Variants in DNAJA4 observed in about 807,000 individuals in gnomAD.
The protein encoded by DNAJA4 is DnaJ heat shock protein family (Hsp40) member A4, also known as dnaJ homolog subfamily A member 4.
Under a neutral mutation model 39.7 loss-of-function variants are expected in DNAJA4, and 32 were observed. That is an observed-to-expected ratio of 0.81 (90% confidence interval 0.61 to 1.08). The LOEUF is 1.08. DNAJA4 is among the 50% of genes least tolerant of loss of function. The probability of loss-of-function intolerance (pLI) is 0.00; values close to 1 mark genes in which losing one functional copy is unlikely to be tolerated. For missense variants in DNAJA4, 439 were observed against 505.1 expected, an observed-to-expected ratio of 0.87 and a Z score of 1.25; for synonymous variants, 184 against 182.4, an observed-to-expected ratio of 1.01 and a Z score of -0.07.
intron 1 of DNAJA4, among the ~76,000 whole-genome samples, chr15:78,269,676 C>G (rs1002195940): frequency 6.6e-6 from 1 of 152,146 alleles, no homozygotes; most frequent in African/African-American, 2.4e-5. Flanking sequence ...CACATTTCTC[C>G]CATTGTTCCA....
intron 2 of DNAJA4, among the ~76,000 whole-genome samples, chr15:78,271,484 CAG>C (rs1008598129): frequency 6.6e-6 from 1 of 152,154 alleles, no homozygotes; most frequent in Admixed American, 6.5e-5. Context: ...CCAGCCTGCT[CAG>C]GGGATTTTCT....
intron 1 of DNAJA4, among the ~76,000 whole-genome samples, chr15:78,269,043 G>T (rs1320686342): frequency 6.6e-6 from 1 of 152,216 alleles, no homozygotes; most frequent in African/African-American, 2.4e-5. Context: ...CTGAGGCCCA[G>T]ACTGCAGAGT....
upstream of DNAJA4, chr15:78,264,333 A>G: frequency 1.4e-6 from 2 of 1,426,076 alleles, no homozygotes; most frequent in Non-Finnish European, 9.2e-7. Flanking sequence ...GGCGGCAGTC[A>G]GAGCTGGAGC....
At position 78,280,349 on chromosome 15, in the gene DNAJA4, G is replaced by A. The variant is rs778684713; in HGVS notation, c.1083G>A (p.Gln361=). The change falls in exon 7 of 7, where the codon CAG becomes CAA. Residue 361 remains glutamine, a synonymous_variant. Transcript: ENST00000394852. ...TGAGGATTACAGATGACATGGATCA[G>A]GTGGAGCTGAAGGAGTTTTGTCCCA... ...QKVRITDDMD[Q]VELKEFCPNE... 1 of 1,614,234 alleles carries A rather than the reference G, an allele frequency of 6.2e-7. No homozygotes were observed. The highest frequency in any genetic ancestry group is 2.2e-5 in the East Asian group (1 of 44,876).
At position 78,274,256 on chromosome 15, in the gene DNAJA4, C is replaced by T. The variant is rs746263750; in HGVS notation, c.478C>T (p.Gln160Ter). Residue 160 changes from glutamine to a stop codon, truncating the protein, a stop_gained, in exon 4 of 7, where the codon CAG (glutamine) becomes TAG (stop). Coordinates refer to ENST00000394852, the MANE Select transcript of DNAJA4 (RefSeq NM_001130182.2). LOFTEE classifies it high-confidence loss of function. ...KCPLCKGRGM[Q>*]IHIQQIGPGM... is the part of the protein sequence containing the mutation. ...CCCGCTGTGCAAGGGGCGGGGGATG[C>T]AGATCCACATCCAGCAGATCGGGCC... 6.2e-7 allele frequency: 1 copy of T among 1,614,174 alleles called. No homozygotes were observed. The highest frequency in any genetic ancestry group is 2.2e-5 in the East Asian group (1 of 44,876).
At chr15:78,268,944 G>T (rs1024549008) in intron 1 of DNAJA4, among the ~76,000 whole-genome samples, 14 of 152,322 alleles carry the variant, frequency 9.2e-5, no homozygotes, top group Non-Finnish European at 2.1e-4. Flanking sequence ...TGTTAAAGCT[G>T]GATCACCAGG....
At chr15:78,265,977 A>C (rs2049110964) in intron 1 of DNAJA4, 6 of 585,306 alleles carry the variant, frequency 1.0e-5, no homozygotes, top group Non-Finnish European at 1.8e-5. Flanking sequence ...CAGTGATGGA[A>C]TATTTATATT....
At chr15:78,266,632 C>T (rs13380341) in intron 1 of DNAJA4, among the ~76,000 whole-genome samples, 21 of 152,310 alleles carry the variant, frequency 1.4e-4, no homozygotes, top group African/African-American at 5.1e-4. Context: ...AAACATCTTC[C>T]AGGAGGCTGC....
chr15:78,275,887 C>T (rs201235137), intron 5 of DNAJA4, among the ~76,000 whole-genome samples, 159 bp downstream of exon 5: 1 of 152,106 alleles, frequency 6.6e-6, no homozygotes, highest in Non-Finnish European at 1.5e-5. Flanking sequence ...GATCAAGCCA[C>T]GTGTTTAGGG....
intron 1 of DNAJA4, among the ~76,000 whole-genome samples, chr15:78,269,438 GAA>G (rs2049233504): frequency 6.6e-6 from 1 of 152,138 alleles, no homozygotes; most frequent in Non-Finnish European, 1.5e-5. Flanking sequence ...GTGATACAAT[GAA>G]CACCTATGTA....
At position 78,279,814 on chromosome 15, in the gene DNAJA4, GAC is replaced by G. The variant is rs1035464281; in HGVS notation, c.878-226_878-225del. 5 of 583,932 alleles carry G rather than the reference GAC, an allele frequency of 8.6e-6. No homozygotes were observed. The highest frequency in any genetic ancestry group is 7.5e-5 in the African/African-American group (4 of 53,612). The allele number at this position is 583,932 out of a possible 1,614,324, so 36.2% of individuals were successfully genotyped here. ...GGCAGCTGCACCATGCTGCCCTCTT[GAC>G]ACACTGCTGGAGCCCAGAGCACAGG... On this transcript the variant is annotated intron_variant, in intron 5 of 6. Coordinates refer to ENST00000394852, the MANE Select transcript of DNAJA4 (RefSeq NM_001130182.2). The surrounding 1 kb of genome is among the most constrained non-coding windows in gnomAD (Gnocchi z 4.5).
intron 1 of DNAJA4, among the ~76,000 whole-genome samples, chr15:78,267,173 AGTGTGTGAGT>A (rs1283315000): frequency 2.2e-5 from 2 of 92,332 alleles, no homozygotes; most frequent in Non-Finnish European, 4.7e-5. Flanking sequence ...TGAGTGTGTG[AGTGTGTGAGT>A]GTGTGTGTGA....
At chr15:78,277,566 C>T (rs1476976023) in intron 5 of DNAJA4, among the ~76,000 whole-genome samples, 1 of 152,218 alleles carries the variant, frequency 6.6e-6, no homozygotes, top group Non-Finnish European at 1.5e-5. Flanking sequence ...GTTGTGAGCT[C>T]AACACCCTGG....
In DNAJA4 at chr15:78,279,948, G is replaced by A. The variant is rs897479837; in HGVS notation, c.878-97G>A. The stretch of plus-strand genomic sequence containing the variant: ...CCACGTTTCCTTTGCCCACTGCCAC[G>A]GGGCACTAGGGCCTGCCGCAGGCTC... On this transcript the variant is annotated intron_variant, in intron 5 of 6. Transcript: ENST00000394852. The surrounding 1 kb of genome is among the most constrained non-coding windows in gnomAD (Gnocchi z 4.5). 43 of 1,155,996 alleles carry A rather than the reference G, an allele frequency of 3.7e-5. No individual in the cohort carries two copies. Among genetic ancestry groups the A allele is most frequent in the African/African-American group, 3.5e-4 (23 of 64,996 alleles). 71.6% of individuals were successfully genotyped at this position (1,155,996 alleles called of 1,614,324 possible). A position where few individuals can be genotyped will look rare whatever the true frequency, so the allele number is the denominator to read the frequency against.
intron 5 of DNAJA4, among the ~76,000 whole-genome samples, chr15:78,275,966 A>C: frequency 6.6e-6 from 1 of 152,180 alleles, no homozygotes; most frequent in Non-Finnish European, 1.5e-5. Context: ...TTTAAGGTCA[A>C]ATTCTGTTAC....
intron 1 of DNAJA4, among the ~76,000 whole-genome samples, chr15:78,267,388 T>C (rs1458286685): frequency 6.6e-6 from 1 of 152,228 alleles, no homozygotes; most frequent in Non-Finnish European, 1.5e-5. Flanking sequence ...TTTTGCCCTG[T>C]TGTCCCCTGT....
chr15:78,272,115 TC>T (rs1951839209), intron 2 of DNAJA4, among the ~76,000 whole-genome samples: 1 of 152,124 alleles, frequency 6.6e-6, no homozygotes, highest in African/African-American at 2.4e-5. Context: ...GGTGGGTGGA[TC>T]ACGAGGTCAG....
chr15:78,264,164 G>C, upstream of DNAJA4: 2 of 499,252 alleles, frequency 4.0e-6, no homozygotes, highest in Admixed American at 4.4e-5. Flanking sequence ...CTTCGGCGCA[G>C]GGCTCCGGCC....
chr15:78,275,452 G>A (rs2049426381), intron 4 of DNAJA4, 46 bp from the exon 5 acceptor site: 1 of 1,489,482 alleles, frequency 6.7e-7, no homozygotes, highest in Admixed American at 1.7e-5. Flanking sequence ...AAGGAAGCAT[G>A]GTTTGTATGA....
Sources: allele counts gnomAD v4.1 joint callset (sites outside exome capture counted in the v4.1 genomes callset), GRCh38; gene constraint gnomAD v4.1.1; non-coding constraint Gnocchi (gnomAD v3.1); transcripts MANE v1.5; gene names NCBI Gene and HGNC (gene_info 2026-07-23, HGNC 2026-07-21).